The following SCMH1 variants were observed in gnomAD, a reference collection of about 807,000 sequenced individuals.
The protein encoded by SCMH1 is polycomb protein SCMH1.
Under a neutral mutation model 70.8 loss-of-function variants are expected in SCMH1, and 37 were observed. The ratio of observed to expected loss-of-function variants is 0.52; its 90% CI spans 0.40 to 0.69. The LOEUF (loss-of-function observed/expected upper bound fraction) is 0.69, where lower values mean the gene tolerates loss of function less well. SCMH1 is among the 30% of genes least tolerant of loss of function. The pLI is 0.00. For synonymous variants in SCMH1, 292 were observed against 307.4 expected, an observed-to-expected ratio of 0.95 and a Z score of 0.52; for missense variants, 607 against 827.3, an observed-to-expected ratio of 0.73 and a Z score of 3.27.
At chr1:41,094,991 C>CAA (rs1558824141) in intron 8 of SCMH1, among the ~76,000 whole-genome samples, 1 of 152,080 alleles carries the variant, frequency 6.6e-6, no homozygotes, top group Admixed American at 6.6e-5. Flanking sequence ...ACAATACCTC[C>CAA]AACCCATCAC....
chr1:41,085,296 TGACTC>T (rs1346478141), intron 8 of SCMH1, among the ~76,000 whole-genome samples: 1 of 152,116 alleles, frequency 6.6e-6, no homozygotes, highest in African/African-American at 2.4e-5. Context: ...AATTATGTGA[TGACTC>T]TATTAATGCT....
At chr1:41,226,419 A>G (rs1051665405) in intron 1 of SCMH1, among the ~76,000 whole-genome samples, 7 of 152,212 alleles carry the variant, frequency 4.6e-5, no homozygotes, top group Admixed American at 2.6e-4. Flanking sequence ...TATGAAAAAA[A>G]TAGAAAATTT....
At chr1:41,221,405 C>A (rs1659235021) in intron 1 of SCMH1, among the ~76,000 whole-genome samples, 1 of 151,972 alleles carries the variant, frequency 6.6e-6, no homozygotes, top group South Asian at 2.1e-4. Context: ...ATAGGCCCAG[C>A]ACTTTGGGTG....
At chr1:41,223,909 C>A (rs1232849425) in intron 1 of SCMH1, among the ~76,000 whole-genome samples, 1 of 152,168 alleles carries the variant, frequency 6.6e-6, no homozygotes, top group African/African-American at 2.4e-5. Context: ...CCTTCACTGA[C>A]TCCTCTTGCC....
intron 12 of SCMH1, chr1:41,041,426 A>G (rs1346894408): frequency 6.6e-6 from 1 of 150,674 alleles, no homozygotes; most frequent in Admixed American, 6.7e-5. Context: ...TAAAAATATT[A>G]GCAACTATTA....
At chr1:41,053,384 A>G (rs540933760) in intron 10 of SCMH1, among the ~76,000 whole-genome samples, 1 of 152,298 alleles carries the variant, frequency 6.6e-6, no homozygotes, top group East Asian at 1.9e-4. Context: ...GGGCCTAAGG[A>G]TTAAGAAACT....
At chr1:41,130,904 G>A (rs1674521100) in intron 6 of SCMH1, among the ~76,000 whole-genome samples, 1 of 151,966 alleles carries the variant, frequency 6.6e-6, no homozygotes. Flanking sequence ...TGATGATGAA[G>A]CTTTTTAGTT....
rs746848373 is a variant in SCMH1 at position 41,066,295 on chromosome 1, G to A, written c.1105+4300C>T. On this transcript the variant is annotated intron_variant, in intron 10 of 14. Coordinates refer to ENST00000337495, the Ensembl canonical transcript of SCMH1. The stretch of plus-strand genomic sequence containing the variant: ...GGGGTTGGGAAGGTAAAGGGCTCTC[G>A]TTGCCAGGAATGCATGATTCCATAC... 6.6e-4 allele frequency among the ~76,000 whole-genome samples: 101 copies of A among 152,242 alleles called. 1 individual carries two copies. The highest frequency in any genetic ancestry group is 2.2e-3 in the African/African-American group (93 of 41,544).
chr1:41,051,256 G>GTAA lies in SCMH1; in HGVS notation c.1106-2369_1106-2367dup, dbSNP rs903741919. 2.0e-5 allele frequency among the ~76,000 whole-genome samples: 3 copies of GTAA among 152,210 alleles called. 1 individual carries two copies. The highest frequency in any genetic ancestry group is 1.3e-4 in the Admixed American group (2 of 15,278). On this transcript the variant is annotated intron_variant, in intron 10 of 14. Coordinates refer to ENST00000337495, the Ensembl canonical transcript of SCMH1. ...CTCATGTGTTTGTGAGGAAGCTGGT[G>GTAA]TAAACAAACCTACTACACTGCCAGG...
At chr1:41,131,307 T>C (rs1674642389) in intron 6 of SCMH1, among the ~76,000 whole-genome samples, 1 of 152,204 alleles carries the variant, frequency 6.6e-6, no homozygotes, top group Non-Finnish European at 1.5e-5. Context: ...GTAGTAAGTT[T>C]TGAAATCAGA....
At chr1:41,239,733 C>T (rs1286046963) in intron 1 of SCMH1, among the ~76,000 whole-genome samples, 3 of 152,318 alleles carry the variant, frequency 2.0e-5, no homozygotes, top group South Asian at 2.1e-4. Context: ...TTGACTCAAA[C>T]GGTCCTCCTG....
chr1:41,215,606 C>G (rs1235431923), intron 1 of SCMH1, among the ~76,000 whole-genome samples: 2 of 152,130 alleles, frequency 1.3e-5, no homozygotes, highest in Non-Finnish European at 2.9e-5. Flanking sequence ...AACTCATCAA[C>G]CTATAACCCA....
At chr1:41,111,519 T>C (rs1382615982) in intron 8 of SCMH1, among the ~76,000 whole-genome samples, 5 of 152,212 alleles carry the variant, frequency 3.3e-5, no homozygotes, top group Non-Finnish European at 1.5e-5. Flanking sequence ...TTTTGTATTT[T>C]TAGTAGAGAT....
intron 13 of SCMH1, among the ~76,000 whole-genome samples, chr1:41,036,212 A>G (rs1345816160): frequency 1.3e-5 from 2 of 152,114 alleles, no homozygotes; most frequent in African/African-American, 4.8e-5. Context: ...TGACTCCTAA[A>G]TATTTAACTT....
chr1:41,223,979 C>A (rs1659777116), intron 1 of SCMH1, among the ~76,000 whole-genome samples: 1 of 152,060 alleles, frequency 6.6e-6, no homozygotes, highest in Non-Finnish European at 1.5e-5. Context: ...ATGATCCAGC[C>A]CTTGCCTACC....
chr1:41,152,476 G>T, intron 4 of SCMH1: 1 of 1,038,352 alleles, frequency 9.6e-7, no homozygotes, highest in Non-Finnish European at 1.4e-6. Flanking sequence ...GTGACACTGT[G>T]CTGGGGGAAG....
chr1:41,187,826 AAT>A (rs1491550352), intron 1 of SCMH1, among the ~76,000 whole-genome samples: 1 of 146,268 alleles, frequency 6.8e-6, no homozygotes, highest in Non-Finnish European at 1.5e-5. Flanking sequence ...AAAAAAAAAA[AAT>A]ATAAAAATTA....
chr1:41,175,120 T>C (rs1647030058), intron 2 of SCMH1, among the ~76,000 whole-genome samples: 1 of 152,244 alleles, frequency 6.6e-6, no homozygotes, highest in Non-Finnish European at 1.5e-5. Context: ...TGAGTGTATC[T>C]GTGGTGGTAT....
intron 10 of SCMH1, among the ~76,000 whole-genome samples, chr1:41,059,421 G>A (rs1231240019): frequency 6.6e-6 from 1 of 152,186 alleles, no homozygotes; most frequent in Non-Finnish European, 1.5e-5. Flanking sequence ...TCTGAACACT[G>A]AGAGGAGTTT....
Sources: allele counts gnomAD v4.1 joint callset (sites outside exome capture counted in the v4.1 genomes callset), GRCh38; gene constraint gnomAD v4.1.1; transcripts MANE v1.5; gene names NCBI Gene and HGNC (gene_info 2026-07-23, HGNC 2026-07-21).